SPTLC2: variants seen among roughly 807,000 people sequenced by gnomAD.
SPTLC2 encodes serine palmitoyltransferase 2.
Under a neutral mutation model 62.0 loss-of-function variants are expected in SPTLC2, and 21 were observed. The ratio of observed to expected loss-of-function variants is 0.34; its 90% CI spans 0.24 to 0.49. SPTLC2 has a LOEUF of 0.49. Ranked by LOEUF, SPTLC2 falls within the 20% of genes least tolerant of loss-of-function variation. The pLI is 0.99. For synonymous variants in SPTLC2, 261 were observed against 261.8 expected (o/e 1.00, Z 0.03); for missense variants, 511 against 713.0 (o/e 0.72, Z 3.23).
chr14:77,514,894 A>G (rs967690902), intron 11 of SPTLC2, among the ~76,000 whole-genome samples: 1 of 152,198 alleles, frequency 6.6e-6, no homozygotes, highest in African/African-American at 2.4e-5. Context: ...ATGGAATTGT[A>G]AGTTATGTAG....
intron 9 of SPTLC2, among the ~76,000 whole-genome samples, chr14:77,541,276 G>C (rs945680801): frequency 1.3e-5 from 2 of 152,134 alleles, no homozygotes; most frequent in African/African-American, 4.8e-5. Context: ...CTGGGCTCAA[G>C]TGATCCACCC....
At chr14:77,591,719 T>C (rs1331584916) in intron 2 of SPTLC2, among the ~76,000 whole-genome samples, 1 of 146,594 alleles carries the variant, frequency 6.8e-6, no homozygotes, top group Non-Finnish European at 1.5e-5. Flanking sequence ...TGTATGTATG[T>C]ATGTATGTAT....
At chr14:77,560,751 T>C (rs2079610306) in intron 6 of SPTLC2, among the ~76,000 whole-genome samples, 1 of 151,896 alleles carries the variant, frequency 6.6e-6, no homozygotes, top group African/African-American at 2.4e-5. Context: ...AGCAAACTAA[T>C]ACAGGAACAG....
chr14:77,537,884 A>G (rs1313871604), intron 9 of SPTLC2, among the ~76,000 whole-genome samples: 2 of 151,866 alleles, frequency 1.3e-5, no homozygotes, highest in African/African-American at 2.4e-5. Flanking sequence ...TCACTTGTTC[A>G]TGTATTCTTC....
chr14:77,525,078 A>G (rs140455494), intron 9 of SPTLC2, among the ~76,000 whole-genome samples: 194 of 152,290 alleles, frequency 1.3e-3, no homozygotes, highest in African/African-American at 4.4e-3. Flanking sequence ...AATATTTGAT[A>G]CCGTATGCAT....
In SPTLC2 at chr14:77,615,079, C is replaced by A. The variant is rs1193329439; in HGVS notation, c.132+1369G>T. 2.6e-5 allele frequency among the ~76,000 whole-genome samples: 4 copies of A among 152,220 alleles called. No individual in the cohort carries two copies. The East Asian group carries it at 7.7e-4, about 29-fold the overall frequency. ...TTAAATTTCCCTATTACATTCTATA[C>A]CACAACAATTTTGTCTTATAAGTCG... On this transcript the variant is annotated intron_variant, in intron 1 of 11. Coordinates refer to ENST00000216484, the MANE Select transcript of SPTLC2 (RefSeq NM_004863.4).
Position 77,599,928 on chromosome 14 carries a change from T to C in SPTLC2, c.133-2548A>G, listed in dbSNP as rs144442724. Among the ~76,000 whole-genome samples the C allele has an allele frequency of 4.6e-5, 7 of 152,360 alleles. No homozygotes were observed. In the East Asian group the frequency reaches 1.3e-3, roughly 29 times the overall value. ...TGAAAATATTTTGCCTTAAGAACTC[T>C]GTTTAATACCAGTGCTGAACTCTCC... On this transcript the variant is annotated intron_variant, in intron 1 of 11. Transcript: ENST00000216484.
At chr14:77,573,115 C>G (rs573508327) in intron 4 of SPTLC2, among the ~76,000 whole-genome samples, 6 of 152,162 alleles carry the variant, frequency 3.9e-5, no homozygotes, top group Non-Finnish European at 8.8e-5. Flanking sequence ...TTTTAACATG[C>G]CTTCCTCACT....
At chr14:77,554,242 C>T (rs143257915) in intron 8 of SPTLC2, among the ~76,000 whole-genome samples, 226 of 152,296 alleles carry the variant, frequency 1.5e-3, no homozygotes, top group Middle Eastern at 0.01. Context: ...TTGCAATCAA[C>T]GTTTAAAAAT....
intron 2 of SPTLC2, among the ~76,000 whole-genome samples, chr14:77,595,976 G>A (rs2079844720): frequency 6.6e-6 from 1 of 152,016 alleles, no homozygotes; most frequent in African/African-American, 2.4e-5. Context: ...TATTTATGGA[G>A]ACTAGGTAAC....
intron 2 of SPTLC2, among the ~76,000 whole-genome samples, chr14:77,590,376 T>G (rs2079809209): frequency 6.6e-6 from 1 of 152,234 alleles, no homozygotes; most frequent in Non-Finnish European, 1.5e-5. Flanking sequence ...CTTGCCCTCT[T>G]GGAATTTGTA....
chr14:77,593,579 G>A (rs2079830677), intron 2 of SPTLC2, among the ~76,000 whole-genome samples: 2 of 152,166 alleles, frequency 1.3e-5, no homozygotes, highest in South Asian at 4.1e-4. Context: ...TTTATGCAAT[G>A]TATATAAAAT....
rs2079674859 is a variant in SPTLC2, at chr14:77,570,403, A to G, written c.737T>C (p.Ile246Thr). 5 of 1,613,536 alleles carry G rather than the reference A, an allele frequency of 3.1e-6. No individual in the cohort carries two copies. In the African/African-American group the frequency reaches 6.7e-5, roughly 22 times the overall value. ...TCTTACTTTGCCAACAAGAGCAGGA[A>G]TGTTCATTGAATTCGTTGCAAATCC... ...GMGFATNSMN[I>T]PALVGKGCLI... The change falls in exon 5 of 12, where the codon ATT (isoleucine) becomes ACT (threonine). Residue 246 changes from isoleucine to threonine, a missense_variant. Coordinates refer to ENST00000216484, the MANE Select transcript of SPTLC2 (RefSeq NM_004863.4).
intron 2 of SPTLC2, among the ~76,000 whole-genome samples, chr14:77,591,592 G>A (rs909465846): frequency 4.0e-5 from 6 of 151,898 alleles, no homozygotes; most frequent in Non-Finnish European, 7.4e-5. Context: ...AGACAATCTC[G>A]CTCCATTGTC....
At position 77,506,888 on chromosome 14, in the gene SPTLC2, T is replaced by G. The variant is rs1036207057; in HGVS notation, c.*5396A>C. 1 of 152,260 alleles carries G rather than the reference T, an allele frequency of 6.6e-6. No individual in the cohort carries two copies. Among genetic ancestry groups the G allele is most frequent in the Non-Finnish European group, 1.5e-5 (1 of 68,058 alleles). 9.4% of individuals were successfully genotyped at this position (152,260 alleles called of 1,614,324 possible). A position where few individuals can be genotyped will look rare whatever the true frequency, so the allele number is the denominator to read the frequency against. Reference sequence around the variant, plus strand: ...TCCAAAAGAACAGAGCTTTGGGTATTGCTTCATTAAGAACACAGTAACTGC... The same window carrying G: ...TCCAAAAGAACAGAGCTTTGGGTATGGCTTCATTAAGAACACAGTAACTGC... On this transcript the variant is annotated 3_prime_UTR_variant, in exon 12 of 12. Transcript: ENST00000216484.
chr14:77,574,377 AC>A (rs2079701806), intron 4 of SPTLC2, among the ~76,000 whole-genome samples: 1 of 152,118 alleles, frequency 6.6e-6, no homozygotes, highest in African/African-American at 2.4e-5. Context: ...ATGAATAGGA[AC>A]CCTCATACAT....
chr14:77,533,540 A>C (rs534947426), intron 9 of SPTLC2, among the ~76,000 whole-genome samples: 27 of 152,326 alleles, frequency 1.8e-4, no homozygotes, highest in African/African-American at 6.3e-4. Flanking sequence ...CAGGGAGTGT[A>C]CACGCAAGCA....
intron 9 of SPTLC2, among the ~76,000 whole-genome samples, chr14:77,531,974 G>T (rs910719677): frequency 1.3e-5 from 2 of 152,070 alleles, no homozygotes; most frequent in African/African-American, 4.8e-5. Context: ...AAACAAAAAT[G>T]GAATTGAGGT....
intron 9 of SPTLC2, among the ~76,000 whole-genome samples, chr14:77,522,497 A>G (rs892805528): frequency 6.6e-6 from 1 of 152,192 alleles, no homozygotes; most frequent in African/African-American, 2.4e-5. Context: ...CAACAGTAAC[A>G]TATCTGTAAT....
Sources: allele counts gnomAD v4.1 joint callset (sites outside exome capture counted in the v4.1 genomes callset), GRCh38; gene constraint gnomAD v4.1.1; transcripts MANE v1.5; gene names NCBI Gene and HGNC (gene_info 2026-07-23, HGNC 2026-07-21).